Variants in DDHD1 observed in about 807,000 individuals in gnomAD.
DDHD1 encodes the protein DDHD domain containing 1.
In DDHD1, 49 loss-of-function variants were observed where a neutral mutation model predicts 96.4. The ratio of observed to expected loss-of-function variants is 0.51; its 90% CI spans 0.40 to 0.64. DDHD1 has a LOEUF of 0.64. Among genes scored for constraint, DDHD1 ranks in the 30% least tolerant of loss-of-function variants. The probability of loss-of-function intolerance (pLI) is 0.00; values close to 1 mark genes in which losing one functional copy is unlikely to be tolerated. For synonymous variants in DDHD1, 442 were observed against 446.5 expected (o/e 0.99, Z 0.13); for missense variants, 1,106 against 1,161.2 (o/e 0.95, Z 0.69).
chr14:53,060,260 T>C (rs114832134), intron 8 of DDHD1, among the ~76,000 whole-genome samples: 12 of 152,360 alleles, frequency 7.9e-5, no homozygotes, highest in African/African-American at 2.9e-4. Context: ...TATTCAGCTA[T>C]AGGGTATGTC....
In DDHD1 at chr14:53,045,652, G is replaced by A. The variant is rs577244748; in HGVS notation, c.*1116C>T. On this transcript the variant is annotated 3_prime_UTR_variant, in exon 13 of 13. Transcript: ENST00000673822. Reference sequence around the variant, plus strand: ...CTTACCTCAAGAAGCTAGTACATGGGTTATTGAATGCACTCTTAAACTTTG... The same window carrying A: ...CTTACCTCAAGAAGCTAGTACATGGATTATTGAATGCACTCTTAAACTTTG... 1 of 152,284 alleles carries A rather than the reference G, an allele frequency of 6.6e-6. No individual in the cohort carries two copies. The highest frequency in any genetic ancestry group is 2.4e-5 in the African/African-American group (1 of 41,546). 9.4% of individuals were successfully genotyped at this position (152,284 alleles called of 1,614,324 possible).
intron 1 of DDHD1, among the ~76,000 whole-genome samples, chr14:53,138,762 GTAAGAGTA>G (rs1471336834): frequency 6.6e-6 from 1 of 152,198 alleles, no homozygotes; most frequent in Non-Finnish European, 1.5e-5. Context: ...GTGGGCTATA[GTAAGAGTA>G]TAAAACTGCT....
intron 1 of DDHD1, among the ~76,000 whole-genome samples, chr14:53,110,580 A>C (rs1023986049): frequency 2.0e-5 from 3 of 152,220 alleles, no homozygotes; most frequent in African/African-American, 7.2e-5. Context: ...CATGTCTGTC[A>C]GTATTTTTCT....
intron 10 of DDHD1, 91 bp downstream of exon 10, chr14:53,055,569 T>C: frequency 3.9e-6 from 5 of 1,284,090 alleles, no homozygotes; most frequent in Non-Finnish European, 5.4e-6. Flanking sequence ...CTGCTGGGAG[T>C]TTCCTAATAC....
intron 1 of DDHD1, among the ~76,000 whole-genome samples, chr14:53,145,010 C>T (rs1016193959): frequency 6.6e-6 from 1 of 152,102 alleles, no homozygotes; most frequent in East Asian, 1.9e-4. Flanking sequence ...CTTAGCCAGG[C>T]GTGATGGCGC....
intron 4 of DDHD1, among the ~76,000 whole-genome samples, chr14:53,090,570 T>G (rs1401521487): frequency 2.6e-5 from 4 of 152,202 alleles, no homozygotes; most frequent in Non-Finnish European, 5.9e-5. Context: ...TCATGTCCTT[T>G]GTATGGACAT....
Position 53,073,742 on chromosome 14 carries a change from T to A in DDHD1, c.1395A>T (p.Gly465=), listed in dbSNP as rs1228458094. 6.2e-7 allele frequency: 1 copy of A among 1,605,112 alleles called. No homozygotes were observed. Among genetic ancestry groups the A allele is most frequent in the Non-Finnish European group, 8.5e-7 (1 of 1,175,558 alleles). ...CATTCAATTTTTAAATAAATATACC[T>A]CCATCAAGAGTAAGTTTTGACCGCC... The part of the protein sequence containing the change: ...VEWRSKLTLD[G]DTVDSITPDK... Residue 465 remains glycine, a splice_region_variant and synonymous_variant, in exon 5 of 13, where the codon GGA becomes GGT. Coordinates refer to ENST00000673822, the MANE Select transcript of DDHD1 (RefSeq NM_001160148.2).
At chr14:53,057,302 C>A (rs983093572) in intron 9 of DDHD1, among the ~76,000 whole-genome samples, 1 of 151,886 alleles carries the variant, frequency 6.6e-6, no homozygotes, top group African/African-American at 2.4e-5. Flanking sequence ...TTAGTTAAAC[C>A]AGCCTTGTCC....
intron 1 of DDHD1, among the ~76,000 whole-genome samples, chr14:53,106,030 A>G (rs1887666935): frequency 6.6e-6 from 1 of 151,914 alleles, no homozygotes; most frequent in Middle Eastern, 3.4e-3. Flanking sequence ...CTTTTTGCCT[A>G]CTTTACCTTT....
At chr14:53,079,112 A>G (rs946912582) in intron 4 of DDHD1, among the ~76,000 whole-genome samples, 14 of 152,078 alleles carry the variant, frequency 9.2e-5, no homozygotes, top group African/African-American at 3.4e-4. Context: ...GTTTGTTGGC[A>G]TTTCATTGAC....
intron 8 of DDHD1, among the ~76,000 whole-genome samples, chr14:53,059,344 A>T (rs1883335104): frequency 6.6e-6 from 1 of 152,010 alleles, no homozygotes; most frequent in African/African-American, 2.4e-5. Context: ...TCCTGGGTTC[A>T]CGCTATTCTC....
intron 4 of DDHD1, among the ~76,000 whole-genome samples, chr14:53,089,132 A>T (rs1457107501): frequency 6.6e-6 from 1 of 152,240 alleles, no homozygotes; most frequent in Non-Finnish European, 1.5e-5. Context: ...CTCTTCAAGG[A>T]GAACTACAAA....
intron 12 of DDHD1, among the ~76,000 whole-genome samples, chr14:53,050,873 C>A (rs1170997812): frequency 1.3e-5 from 2 of 151,900 alleles, no homozygotes; most frequent in Non-Finnish European, 2.9e-5. Flanking sequence ...TACTTGGTTG[C>A]AGGACAAATA....
At chr14:53,141,822 G>T (rs1280536739) in intron 1 of DDHD1, among the ~76,000 whole-genome samples, 1 of 152,170 alleles carries the variant, frequency 6.6e-6, no homozygotes, top group African/African-American at 2.4e-5. Context: ...GTACATGTGT[G>T]TATGTACGTG....
At chr14:53,062,431 A>AGAT (rs1883665603) in intron 7 of DDHD1, among the ~76,000 whole-genome samples, 2 of 152,114 alleles carry the variant, frequency 1.3e-5, no homozygotes, top group Non-Finnish European at 1.5e-5. Context: ...GAATTAAAAG[A>AGAT]TAGTATCAGG....
chr14:53,051,833 A>T lies in DDHD1; in HGVS notation c.2521+11T>A. ...TAGTATTCTGAATGCTATTCCTGAC[A>T]TATACCATACCGAGGGCATTATCTT... On this transcript the variant is annotated intron_variant, in intron 12 of 12. Transcript: ENST00000673822. 6.3e-7 allele frequency: 1 copy of T among 1,577,604 alleles called. No individual in the cohort carries two copies.
chr14:53,094,094 G>A (rs1014360725), intron 2 of DDHD1, among the ~76,000 whole-genome samples: 5 of 151,632 alleles, frequency 3.3e-5, no homozygotes, highest in Non-Finnish European at 5.9e-5. Context: ...GGAGAATGGC[G>A]TGAACCTGGG....
In DDHD1 at chr14:53,110,597, T is replaced by C. The variant is rs1286794210; in HGVS notation, c.839-6741A>G. Among the ~76,000 whole-genome samples the C allele has an allele frequency of 4.6e-5, 7 of 152,366 alleles. 1 individual carries two copies. Among genetic ancestry groups the C allele is most frequent in the Non-Finnish European group, 1.0e-4 (7 of 68,036 alleles). ...TGTCTGTCAGTATTTTTCTTAACTG[T>C]ATTCTATTTAGTCTTCCTCCTTTCT... On this transcript the variant is annotated intron_variant, in intron 1 of 12. Coordinates refer to ENST00000673822, the MANE Select transcript of DDHD1 (RefSeq NM_001160148.2).
At chr14:53,095,285 A>G (rs897650105) in intron 2 of DDHD1, among the ~76,000 whole-genome samples, 9 of 152,214 alleles carry the variant, frequency 5.9e-5, no homozygotes, top group African/African-American at 2.2e-4. Context: ...ACTTACAAAA[A>G]TACAGAGGTA....
Sources: allele counts gnomAD v4.1 joint callset (sites outside exome capture counted in the v4.1 genomes callset), GRCh38; gene constraint gnomAD v4.1.1; transcripts MANE v1.5; gene names NCBI Gene and HGNC (gene_info 2026-07-23, HGNC 2026-07-21).